SELENOM: variants seen among roughly 807,000 people sequenced by gnomAD.
SELENOM encodes selenoprotein SelM.
A neutral mutation model predicts 14.5 loss-of-function variants in SELENOM; 17 were observed. The ratio of observed to expected loss-of-function variants is 1.17; its 90% CI spans 0.80 to 1.76. The LOEUF (loss-of-function observed/expected upper bound fraction) is 1.76. Ranked by LOEUF, SELENOM falls within the 40% of genes most tolerant of loss-of-function variation. The probability of loss-of-function intolerance (pLI) is 0.00; values close to 1 mark genes in which losing one functional copy is unlikely to be tolerated. For missense variants in SELENOM, 230 were observed against 204.6 expected (o/e 1.12, Z -0.76); for synonymous variants, 102 against 93.3 (o/e 1.09, Z -0.54).
intron 3 of SELENOM, 85 bp downstream of exon 3, chr22:31,105,573 A>T (rs2044393778): frequency 7.2e-7 from 1 of 1,389,880 alleles, no homozygotes; most frequent in East Asian, 2.3e-5. Flanking sequence ...GTCAGTTGAA[A>T]ACCATCTGCC....
Position 31,105,106 on chromosome 22 carries a change from G to A in SELENOM, c.302C>T (p.Thr101Ile). 6.2e-7 allele frequency: 1 copy of A among 1,613,480 alleles called. No homozygotes were observed. Among genetic ancestry groups the A allele is most frequent in the Non-Finnish European group, 8.5e-7 (1 of 1,179,836 alleles). Residue 101 changes from threonine to isoleucine, a missense_variant, in exon 5 of 5, where the codon ACC becomes ATC. Physicochemically the swap from Thr to Ile is moderately conservative, Grantham distance 89 (BLOSUM62 -1). Coordinates refer to ENST00000400299, the MANE Select transcript of SELENOM (RefSeq NM_080430.4). ...ELERIPLSEM[T>I]REEINALVQE... Reference sequence around the variant, plus strand: ...CACTAGCGCATTGATCTCTTCGCGGGTCATTTCACTGAGTGGGATGCGCTG... The same window carrying A: ...CACTAGCGCATTGATCTCTTCGCGGATCATTTCACTGAGTGGGATGCGCTG...
In SELENOM at chr22:31,107,413, C is replaced by G. The variant is rs369500353; in HGVS notation, c.93G>C (p.Trp31Cys). Residue 31 changes from tryptophan to cysteine, a missense_variant, in exon 1 of 5, where the codon TGG becomes TGC. Coordinates refer to ENST00000400299, the MANE Select transcript of SELENOM (RefSeq NM_080430.4). The part of the protein sequence containing the change: ...ATAATAYRPD[W>C]NRLSGLTRAR... ...CGCGGGTTAGGCCGCTCAGACGGTTCCAGTCCGGCCGGTAGGCAGTGGCGG... is the reference window on the plus strand; with the variant it reads ...CGCGGGTTAGGCCGCTCAGACGGTTGCAGTCCGGCCGGTAGGCAGTGGCGG... The G allele has an allele frequency of 1.3e-6, 2 of 1,590,956 alleles. No homozygotes were observed. Among genetic ancestry groups the G allele is most frequent in the Non-Finnish European group, 1.7e-6 (2 of 1,170,968 alleles).
Position 31,105,062 on chromosome 22 carries a change from G to A in SELENOM, c.346C>T (p.Arg116Cys), listed in dbSNP as rs568177232. The change falls in exon 5 of 5, where the codon CGC becomes TGC. Residue 116 changes from arginine to cysteine, a missense_variant. Physicochemically the swap from Arg to Cys is radical, Grantham distance 180 (BLOSUM62 -3). Transcript: ENST00000400299. The part of the protein sequence containing the change: ...NALVQELGFY[R>C]KAAPDAQVPP... Reference sequence around the variant, plus strand: ...ACCTGCGCGTCGGGCGCCGCCTTGCGGTAGAAGCCGAGCTCCTGCACTAGC... The same window carrying A: ...ACCTGCGCGTCGGGCGCCGCCTTGCAGTAGAAGCCGAGCTCCTGCACTAGC... 5 of 1,612,408 alleles carry A rather than the reference G, an allele frequency of 3.1e-6. No homozygotes were observed. The East Asian group carries it at 8.9e-5, about 29-fold the overall frequency.
Position 31,107,420 on chromosome 22 carries a change from G to A in SELENOM, c.86C>T (p.Pro29Leu), listed in dbSNP as rs1011407697. The change falls in exon 1 of 5, where the codon CCG becomes CTG. Residue 29 changes from proline (P) to leucine (L), a missense_variant. Transcript: ENST00000400299. ...TAGGCCGCTCAGACGGTTCCAGTCC[G>A]GCCGGTAGGCAGTGGCGGCTGTGGC... ...APATAATAYR[P>L]DWNRLSGLTR... 6.3e-7 allele frequency: 1 copy of A among 1,589,194 alleles called. No individual in the cohort carries two copies. Among genetic ancestry groups the A allele is most frequent in the Non-Finnish European group, 8.5e-7 (1 of 1,170,000 alleles).
chr22:31,106,536 AC>A (rs2147852932), intron 1 of SELENOM: 1 of 164,258 alleles, frequency 6.1e-6, no homozygotes, highest in South Asian at 1.7e-4. Context: ...AGGAGATGCC[AC>A]CATCCAGCAG....
chr22:31,106,252 G>A, intron 1 of SELENOM: 2 of 518,038 alleles, frequency 3.9e-6, no homozygotes, highest in East Asian at 6.7e-5. Flanking sequence ...GCTGTGGACT[G>A]ACTCCCAATG....
chr22:31,105,737 C>T (rs758548837), intron 2 of SELENOM, 45 bp from the exon 3 acceptor site: 7 of 1,602,792 alleles, frequency 4.4e-6, no homozygotes, highest in South Asian at 3.3e-5. Context: ...TCAGTCTACT[C>T]GAGGTACAGA....
chr22:31,105,787 G>A (rs1406114370), intron 2 of SELENOM, 95 bp from the exon 3 acceptor site: 1 of 1,509,334 alleles, frequency 6.6e-7, no homozygotes, highest in East Asian at 2.3e-5. Flanking sequence ...AGCAAGTCAG[G>A]TGCAGGCTAG....
chr22:31,107,133 C>T, intron 1 of SELENOM: 1 of 514,516 alleles, frequency 1.9e-6, no homozygotes, highest in Non-Finnish European at 3.4e-6. Flanking sequence ...TGTCCGCTGT[C>T]GGACCGGGTA....
At chr22:31,105,792 G>A (rs575684940) in intron 2 of SELENOM, 100 bp from the exon 3 acceptor site, 1 of 1,499,254 alleles carries the variant, frequency 6.7e-7, no homozygotes, top group South Asian at 1.1e-5. Context: ...GTCAGGTGCA[G>A]GCTAGACTCT....
chr22:31,107,252 G>A (rs1219991062), intron 1 of SELENOM, 125 bp downstream of exon 1: 4 of 1,241,716 alleles, frequency 3.2e-6, no homozygotes, highest in Non-Finnish European at 4.3e-6. Flanking sequence ...GGATGGTCCC[G>A]GCGCCAGGGG....
In SELENOM at chr22:31,107,564, C is replaced by T; in HGVS notation, c.-59G>A. 11 of 1,436,190 alleles carry T rather than the reference C, an allele frequency of 7.7e-6. No individual in the cohort carries two copies. The highest frequency in any genetic ancestry group is 1.4e-5 in the South Asian group (1 of 73,388). 89.0% of individuals were successfully genotyped at this position (1,436,190 alleles called of 1,614,324 possible). On this transcript the variant is annotated 5_prime_UTR_variant, in exon 1 of 5. The change creates a new upstream start codon in the 5' untranslated region. Transcript: ENST00000400299. ...GGCGAACCTCCGAGTCGCTGCGCCA[C>T]GTCTGGGCCCCCAGGCTGGCCCCGC... is the stretch of plus-strand genomic sequence containing the variant.
Position 31,105,925 on chromosome 22 carries a change from C to A in SELENOM, c.165+5G>T, listed in dbSNP as rs773764383. 1 of 1,614,056 alleles carries A rather than the reference C, an allele frequency of 6.2e-7. No individual in the cohort carries two copies. Among genetic ancestry groups the A allele is most frequent in the Non-Finnish European group, 8.5e-7 (1 of 1,179,914 alleles). On this transcript the variant is annotated splice_donor_5th_base_variant and intron_variant, in intron 2 of 4. Coordinates refer to ENST00000400299, the MANE Select transcript of SELENOM (RefSeq NM_080430.4). ...AGAGCTAGGGACCTCTTCCTTCAAA[C>A]TCACCTCCTTTAGGCGGTTCAGCTG...
chr22:31,107,549 C>T lies in SELENOM; in HGVS notation c.-44G>A. On this transcript the variant is annotated 5_prime_UTR_variant, in exon 1 of 5. Transcript: ENST00000400299. ...GATGCGCAAGCTGGAGGCGAACCTC[C>T]GAGTCGCTGCGCCACGTCTGGGCCC... is the stretch of plus-strand genomic sequence containing the variant. The T allele has an allele frequency of 4.0e-6, 6 of 1,482,336 alleles. No individual in the cohort carries two copies. The highest frequency in any genetic ancestry group is 5.4e-6 in the Non-Finnish European group (6 of 1,116,628). The allele number at this position is 1,482,336 out of a possible 1,614,324, so 91.8% of individuals were successfully genotyped here. A position where few individuals can be genotyped will look rare whatever the true frequency, so the allele number is the denominator to read the frequency against.
chr22:31,107,566 T>C lies in SELENOM; in HGVS notation c.-61A>G, dbSNP rs2044418002. 5 of 1,332,510 alleles carry C rather than the reference T, an allele frequency of 3.8e-6. No homozygotes were observed. Among genetic ancestry groups the C allele is most frequent in the Non-Finnish European group, 5.0e-6 (5 of 1,006,132 alleles). The allele number at this position is 1,332,510 out of a possible 1,614,324, so 82.5% of individuals were successfully genotyped here. ...CGAACCTCCGAGTCGCTGCGCCACG[T>C]CTGGGCCCCCAGGCTGGCCCCGCCC... On this transcript the variant is annotated 5_prime_UTR_variant, in exon 1 of 5. Coordinates refer to ENST00000400299, the MANE Select transcript of SELENOM (RefSeq NM_080430.4).
At chr22:31,105,527 G>C in intron 3 of SELENOM, 131 bp downstream of exon 3, 1 of 1,008,978 alleles carries the variant, frequency 9.9e-7, no homozygotes, top group Non-Finnish European at 1.6e-6. Flanking sequence ...GACCACCTCA[G>C]AATCCTCTGG....
Position 31,105,103 on chromosome 22 carries a change from C to A in SELENOM, c.305G>T (p.Arg102Leu), listed in dbSNP as rs774639681. The change falls in exon 5 of 5, where the codon CGC (arginine) becomes CTC (leucine). Residue 102 changes from arginine (R) to leucine (L), a missense_variant. Transcript: ENST00000400299. ...CTGCACTAGCGCATTGATCTCTTCG[C>A]GGGTCATTTCACTGAGTGGGATGCG... ...LERIPLSEMTREEINALVQEL... is the reference protein window; with the variant it reads ...LERIPLSEMTLEEINALVQEL... 76 of 1,613,292 alleles carry A rather than the reference C, an allele frequency of 4.7e-5. No individual in the cohort carries two copies. The highest frequency in any genetic ancestry group is 6.3e-5 in the Non-Finnish European group (74 of 1,179,844).
At chr22:31,105,838 C>T in intron 2 of SELENOM, 92 bp downstream of exon 2, 1 of 1,498,078 alleles carries the variant, frequency 6.7e-7, no homozygotes, top group Non-Finnish European at 9.3e-7. Flanking sequence ...GGGATCCTTC[C>T]CCCCTCCCCG....
At position 31,106,447 on chromosome 22, in the gene SELENOM, A is replaced by C. The variant is rs536872151; in HGVS notation, c.130-482T>G. 1.0e-4 allele frequency: 18 copies of C among 173,090 alleles called. 1 individual carries two copies. The East Asian group carries it at 2.2e-3, about 21-fold the overall frequency. 10.7% of individuals were successfully genotyped at this position (173,090 alleles called of 1,614,324 possible). Reference sequence around the variant, plus strand: ...ACAGGCAGACCTCACCCTGCCTGCCACCTGCGGCCCAGCCCCACAGACCAT... The same window carrying C: ...ACAGGCAGACCTCACCCTGCCTGCCCCCTGCGGCCCAGCCCCACAGACCAT... On this transcript the variant is annotated intron_variant, in intron 1 of 4. Coordinates refer to ENST00000400299, the MANE Select transcript of SELENOM (RefSeq NM_080430.4).
Sources: gnomAD v4.1 joint callset for allele counts on GRCh38, gnomAD v4.1.1 for gene constraint, MANE v1.5 for transcripts, NCBI Gene and HGNC (gene_info 2026-07-23, HGNC 2026-07-21) for gene names.